The following TRMT9B variants were observed in gnomAD, a reference collection of about 807,000 sequenced individuals.
The protein encoded by TRMT9B is probable tRNA methyltransferase 9B.
A neutral mutation model predicts 11.5 loss-of-function variants in TRMT9B; 16 were observed. The ratio of observed to expected loss-of-function variants is 1.39; its 90% confidence interval spans 0.94 to 2.11. The LOEUF (loss-of-function observed/expected upper bound fraction) is 2.11, where lower values mean the gene tolerates loss of function less well. TRMT9B is among the 30% of genes most tolerant of loss of function. The pLI is 0.00. For missense variants in TRMT9B, 941 were observed against 553.8 expected (o/e 1.70, Z -7.02); for synonymous variants, 274 against 192.4 (o/e 1.42, Z -3.51).
At chr8:12,967,612 T>G (rs1429263752) in intron 1 of TRMT9B, among the ~76,000 whole-genome samples, 1 of 152,240 alleles carries the variant, frequency 6.6e-6, no homozygotes, top group Non-Finnish European at 1.5e-5. Flanking sequence ...TCCTTTCTAA[T>G]TAAAGCAGCT....
chr8:12,949,980 A>G (rs1800467938), intron 1 of TRMT9B, among the ~76,000 whole-genome samples: 2 of 152,126 alleles, frequency 1.3e-5, no homozygotes, highest in Admixed American at 1.3e-4. Flanking sequence ...AACCTCCTGA[A>G]TGGCTGGGAT....
chr8:12,957,113 T>C (rs1247205314), intron 1 of TRMT9B, among the ~76,000 whole-genome samples: 1 of 152,218 alleles, frequency 6.6e-6, no homozygotes, highest in Non-Finnish European at 1.5e-5. Flanking sequence ...GAAAGTGGTG[T>C]ATTCTCTCAT....
chr8:12,998,498 T>C (rs1054553785), intron 2 of TRMT9B, among the ~76,000 whole-genome samples: 2 of 152,224 alleles, frequency 1.3e-5, no homozygotes, highest in Non-Finnish European at 1.5e-5. Flanking sequence ...ATAGAGGTAA[T>C]AGAAGTTCCC....
chr8:12,952,320 C>T (rs141716409), intron 1 of TRMT9B: 128 of 342,930 alleles, frequency 3.7e-4, no homozygotes, highest in African/African-American at 2.4e-3. Flanking sequence ...GGTCGTCTAG[C>T]GCGTGCCCCG....
intron 1 of TRMT9B, among the ~76,000 whole-genome samples, chr8:12,963,615 G>A (rs879715890): frequency 6.6e-6 from 1 of 152,068 alleles, no homozygotes; most frequent in Admixed American, 6.6e-5. Context: ...GGCGGTGGTG[G>A]AGTGTGCCTG....
intron 1 of TRMT9B, among the ~76,000 whole-genome samples, chr8:12,947,693 G>C (rs774342252): frequency 4.6e-5 from 7 of 152,232 alleles, no homozygotes; most frequent in Non-Finnish European, 8.8e-5. Flanking sequence ...TTTAGGAAAA[G>C]AACTTACGTG....
chr8:13,009,551 G>T (rs1030786038), intron 3 of TRMT9B, among the ~76,000 whole-genome samples: 2 of 152,208 alleles, frequency 1.3e-5, no homozygotes, highest in South Asian at 2.1e-4. Flanking sequence ...TTAGCTTCTT[G>T]TATGATCTTT....
At chr8:12,951,706 G>T (rs1207961712) in intron 1 of TRMT9B, 3 of 152,010 alleles carry the variant, frequency 2.0e-5, no homozygotes, top group Non-Finnish European at 2.9e-5. Context: ...GGCGGCCCGG[G>T]GAGGCGGGGA....
chr8:13,006,311 C>T lies in TRMT9B; in HGVS notation c.109C>T (p.Gln37Ter), dbSNP rs776686094. ...LQSKAWPRVRQFLQEQKPGSL... is the reference protein window; with the variant it reads ...LQSKAWPRVR ...GAGCAAAGCCTGGCCTCGTGTCCGCCAGTTCCTGCAAGAGCAGAAGCCAGG... is the reference window on the plus strand; with the variant it reads ...GAGCAAAGCCTGGCCTCGTGTCCGCTAGTTCCTGCAAGAGCAGAAGCCAGG... Residue 37 changes from glutamine to a stop codon, truncating the protein, a stop_gained, in exon 3 of 5, where the codon CAG (glutamine) becomes TAG (stop). Coordinates refer to ENST00000524591, the MANE Select transcript of TRMT9B (RefSeq NM_020844.3). LOFTEE classifies it high-confidence loss of function. 7.4e-6 allele frequency: 12 copies of T among 1,613,518 alleles called. No individual in the cohort carries two copies. The highest frequency in any genetic ancestry group is 4.5e-5 in the East Asian group (2 of 44,896).
chr8:13,015,047 A>C (rs1463184887), intron 4 of TRMT9B, among the ~76,000 whole-genome samples: 1 of 151,206 alleles, frequency 6.6e-6, no homozygotes, highest in Non-Finnish European at 1.5e-5. Flanking sequence ...CAACAGAGTG[A>C]GACTCCATCT....
At chr8:12,951,054 G>C (rs544238060) in intron 1 of TRMT9B, among the ~76,000 whole-genome samples, 1 of 152,292 alleles carries the variant, frequency 6.6e-6, no homozygotes, top group East Asian at 1.9e-4. Flanking sequence ...TTACGTTAGG[G>C]ACCTGGAAGA....
chr8:12,952,794 C>G lies in TRMT9B; in HGVS notation c.-200+6828C>G, dbSNP rs137863551. 5.5e-6 allele frequency: 3 copies of G among 545,050 alleles called. No individual in the cohort carries two copies. In the East Asian group the frequency reaches 4.4e-4, roughly 80 times the overall value. The allele number at this position is 545,050 out of a possible 1,614,324, so 33.8% of individuals were successfully genotyped here. ...TCTCTCTGTCACCCAGGCTGGAGTG[C>G]AATGGCACGATCTCGGCTCACTGCA... On this transcript the variant is annotated intron_variant, in intron 1 of 4. Coordinates refer to ENST00000524591, the MANE Select transcript of TRMT9B (RefSeq NM_020844.3).
At chr8:12,978,652 G>T (rs1293124471) in intron 1 of TRMT9B, among the ~76,000 whole-genome samples, 1 of 152,108 alleles carries the variant, frequency 6.6e-6, no homozygotes, top group African/African-American at 2.4e-5. Context: ...AGCCAATATA[G>T]TAGCCACTGC....
intron 1 of TRMT9B, among the ~76,000 whole-genome samples, chr8:12,970,692 G>T (rs1466367289): frequency 1.3e-5 from 2 of 152,186 alleles, no homozygotes; most frequent in Non-Finnish European, 2.9e-5. Flanking sequence ...AGTTTAAAAA[G>T]TATCACTACA....
At chr8:12,953,233 T>C (rs1327199765) in intron 1 of TRMT9B, among the ~76,000 whole-genome samples, 2 of 36,974 alleles carry the variant, frequency 5.4e-5, no homozygotes, top group Non-Finnish European at 1.2e-4. Flanking sequence ...AGGTTAAGAT[T>C]ATTGGTAATA....
chr8:12,999,304 A>AAAAAAAAAAAAGAAAAG (rs1266700052), intron 2 of TRMT9B, among the ~76,000 whole-genome samples: 1 of 148,790 alleles, frequency 6.7e-6, no homozygotes, highest in Non-Finnish European at 1.5e-5. Context: ...ATCTCAAAAA[A>AAAAAAAAAAAAGAAAAG]AAAAAAAAAA....
In TRMT9B at chr8:12,957,198, A is replaced by G. The variant is rs1339445863; in HGVS notation, c.-200+11232A>G. On this transcript the variant is annotated intron_variant, in intron 1 of 4. Transcript: ENST00000524591. ...CAAAGAATATTTGTTGATATTTTTA[A>G]TAGCAACAAAAAGGTAGCCAAGAGA... Among the ~76,000 whole-genome samples the G allele has an allele frequency of 2.0e-5, 3 of 152,322 alleles. No individual in the cohort carries two copies. The East Asian group carries it at 5.8e-4, about 29-fold the overall frequency.
intron 1 of TRMT9B, among the ~76,000 whole-genome samples, chr8:12,964,099 T>C (rs1405540902): frequency 6.6e-6 from 1 of 152,252 alleles, no homozygotes; most frequent in African/African-American, 2.4e-5. Context: ...ACAGAGGTTT[T>C]ATGATCAAGG....
chr8:12,959,324 C>T (rs1052685896), intron 1 of TRMT9B, among the ~76,000 whole-genome samples: 8 of 152,098 alleles, frequency 5.3e-5, no homozygotes, highest in African/African-American at 1.9e-4. Context: ...GGTCAAAACG[C>T]AGTCCAAACT....
Sources: gnomAD v4.1 joint callset for allele counts (sites outside exome capture counted in the v4.1 genomes callset) on GRCh38, gnomAD v4.1.1 for gene constraint, MANE v1.5 for transcripts, NCBI Gene and HGNC (gene_info 2026-07-23, HGNC 2026-07-21) for gene names.